Variants in PNKD observed in about 807,000 individuals in gnomAD.
PNKD encodes probable thioesterase PNKD.
A neutral mutation model predicts 45.3 loss-of-function variants in PNKD; 36 were observed. The ratio of observed to expected loss-of-function variants is 0.80; its 90% CI spans 0.61 to 1.05. The LOEUF is 1.05. Among genes scored for constraint, PNKD ranks in the 50% least tolerant of loss-of-function variants. PNKD has a pLI of 0.00. For synonymous variants in PNKD, 197 were observed against 210.1 expected (o/e 0.94, Z 0.54); for missense variants, 511 against 506.6 (o/e 1.01, Z -0.08).
At chr2:218,272,560 C>G in intron 2 of PNKD, 1 of 1,613,462 alleles carries the variant, frequency 6.2e-7, no homozygotes. Context: ...GCACATCTCC[C>G]CACCCGTAGG....
chr2:218,284,923 C>G (rs532574435), intron 2 of PNKD, among the ~76,000 whole-genome samples: 25 of 152,244 alleles, frequency 1.6e-4, no homozygotes, highest in African/African-American at 5.5e-4. Context: ...AACCCCGTCT[C>G]TACTAAAAAT....
intron 2 of PNKD, among the ~76,000 whole-genome samples, chr2:218,323,862 C>T (rs904063366): frequency 9.8e-5 from 15 of 152,296 alleles, no homozygotes; most frequent in Non-Finnish European, 2.2e-4. Context: ...CACCGTCTGA[C>T]ATTTAAAACC....
chr2:218,280,982 T>G (rs1691877528), intron 2 of PNKD: 1 of 150,880 alleles, frequency 6.6e-6, no homozygotes, highest in Admixed American at 6.6e-5. Flanking sequence ...CGGCTCATTT[T>G]TTGTATTTTT....
chr2:218,344,388 GA>G, intron 8 of PNKD, 66 bp from the exon 9 acceptor site: 2 of 1,199,572 alleles, frequency 1.7e-6, no homozygotes, highest in South Asian at 2.6e-5. Context: ...CTGGGGCAGG[GA>G]AGACTGTTCT....
rs1417718700 is a variant in PNKD, at chr2:218,340,173, G to A, written c.465+32G>A. On this transcript the variant is annotated intron_variant, in intron 4 of 9. Transcript: ENST00000273077. This position sits in a 1 kb window ranked among gnomAD's most constrained non-coding sequence, Gnocchi z 4.2. ...GGAGGGCAGGGAGCAGGGGGTGCCT[G>A]GAGTCACCTTGGGGACTGGCAGTTT... 3 of 1,395,056 alleles carry A rather than the reference G, an allele frequency of 2.2e-6. No homozygotes were observed. The East Asian group carries it at 6.8e-5, about 32-fold the overall frequency. The allele number at this position is 1,395,056 out of a possible 1,614,324, so 86.4% of individuals were successfully genotyped here.
chr2:218,293,115 A>G (rs555218629), intron 2 of PNKD, among the ~76,000 whole-genome samples: 33 of 152,366 alleles, frequency 2.2e-4, no homozygotes, highest in Non-Finnish European at 3.5e-4. Flanking sequence ...CAAACATGCA[A>G]ACCTAGAATC....
At chr2:218,304,664 A>G (rs1693362480) in intron 2 of PNKD, among the ~76,000 whole-genome samples, 1 of 152,214 alleles carries the variant, frequency 6.6e-6, no homozygotes, top group Non-Finnish European at 1.5e-5. Flanking sequence ...GTTACAGAGG[A>G]TCAGTGGAAA....
chr2:218,288,442 A>ATAAAATAAC (rs1692701992), intron 2 of PNKD, among the ~76,000 whole-genome samples: 1 of 152,194 alleles, frequency 6.6e-6, no homozygotes, highest in South Asian at 2.1e-4. Context: ...AAATAAATAA[A>ATAAAATAAC]TAAAATAACT....
At chr2:218,287,900 C>G (rs1198108965) in intron 2 of PNKD, among the ~76,000 whole-genome samples, 1 of 152,204 alleles carries the variant, frequency 6.6e-6, no homozygotes, top group Non-Finnish European at 1.5e-5. Flanking sequence ...CCACCCTTGT[C>G]TGGAGCAGAA....
Position 218,333,124 on chromosome 2 carries a change from T to C in PNKD, c.237-6659T>C, listed in dbSNP as rs540034178. On this transcript the variant is annotated intron_variant, in intron 2 of 9. Coordinates refer to ENST00000273077, the MANE Select transcript of PNKD (RefSeq NM_015488.5). ...CTTTTCCACCCCCAGCCATAGTTAC[T>C]GGCAGTTTGCTGACTAATCCGGTTT... is the stretch of plus-strand genomic sequence containing the variant. Among the ~76,000 whole-genome samples, 18 of 152,328 alleles carry C rather than the reference T, an allele frequency of 1.2e-4. No homozygotes were observed. In the South Asian group the frequency reaches 3.7e-3, roughly 32 times the overall value.
At chr2:218,333,820 A>G (rs997454743) in intron 2 of PNKD, among the ~76,000 whole-genome samples, 5 of 151,494 alleles carry the variant, frequency 3.3e-5, no homozygotes, top group African/African-American at 1.2e-4. Context: ...TTATTTTTTA[A>G]CTTTTCATTT....
At chr2:218,278,779 G>T (rs537594290) in intron 2 of PNKD, among the ~76,000 whole-genome samples, 112 of 152,374 alleles carry the variant, frequency 7.4e-4, no homozygotes, top group African/African-American at 2.3e-3. Context: ...GGAGGCTGCA[G>T]CTGACGGGCT....
chr2:218,292,540 G>C (rs1320378129), intron 2 of PNKD: 7 of 151,934 alleles, frequency 4.6e-5, no homozygotes, highest in Admixed American at 3.3e-4. Flanking sequence ...GGCTAGGCTC[G>C]GCTGGGGCTC....
intron 2 of PNKD, among the ~76,000 whole-genome samples, chr2:218,329,702 A>T (rs1268330299): frequency 1.3e-5 from 2 of 152,238 alleles, no homozygotes; most frequent in Non-Finnish European, 2.9e-5. Context: ...TGCATGCGGA[A>T]GTCCCCACGC....
rs386392656 is a variant in PNKD, at chr2:218,314,222, C to CTTTTTTTTT, written c.237-25548_237-25540dup. 3.0e-3 allele frequency among the ~76,000 whole-genome samples: 200 copies of CTTTTTTTTT among 67,714 alleles called. 37 individuals carry two copies. The highest frequency in any genetic ancestry group is 0.012 in the African/African-American group (182 of 15,332). 44.4% of individuals were successfully genotyped at this position (67,714 alleles called of 152,430 possible). A position where few individuals can be genotyped will look rare whatever the true frequency, so the allele number is the denominator to read the frequency against. On this transcript the variant is annotated intron_variant, in intron 2 of 9. Coordinates refer to ENST00000273077, the MANE Select transcript of PNKD (RefSeq NM_015488.5). ...ACAGGCGTGAGCCACCGCGCCCTGG[C>CTTTTTTTTT]TTTTTTTTTTTTTTTTTTTTTGAGA...
In PNKD at chr2:218,345,213, G is replaced by A. The variant is rs1432296474; in HGVS notation, c.*232G>A. On this transcript the variant is annotated 3_prime_UTR_variant, in exon 10 of 10. Transcript: ENST00000273077. The stretch of plus-strand genomic sequence containing the variant: ...GCAGCGCGAGGCTGCCTCATCAACG[G>A]CAAGAGGAAAGGAGGGGTCTCGGGA... The A allele has an allele frequency of 5.3e-6, 3 of 563,340 alleles. No individual in the cohort carries two copies. The highest frequency in any genetic ancestry group is 9.5e-6 in the Non-Finnish European group (3 of 316,576). 34.9% of individuals were successfully genotyped at this position (563,340 alleles called of 1,614,324 possible).
chr2:218,279,658 C>G (rs1246822773), intron 2 of PNKD: 3 of 488,910 alleles, frequency 6.1e-6, no homozygotes, highest in African/African-American at 3.9e-5. Flanking sequence ...TCTGCACGCT[C>G]TATGCAGCTG....
rs886368617 is a variant in PNKD at position 218,342,110 on chromosome 2, C to T, written c.747C>T (p.Leu249=). The change falls in exon 7 of 10, where the codon CTC becomes CTT. Residue 249 remains leucine (L), a synonymous_variant. Transcript: ENST00000273077. ...AGCCCTACAAGGGTCCCTCCTGCCTCTTCTCAGGGGACCTGCTCTTCCTCT... is the reference window on the plus strand; with the variant it reads ...AGCCCTACAAGGGTCCCTCCTGCCTTTTCTCAGGGGACCTGCTCTTCCTCT... ...DGEPYKGPSC[L]FSGDLLFLSG... 5 of 1,613,764 alleles carry T rather than the reference C, an allele frequency of 3.1e-6. No homozygotes were observed. The highest frequency in any genetic ancestry group is 4.2e-6 in the Non-Finnish European group (5 of 1,179,934).
intron 2 of PNKD, chr2:218,272,788 T>C (rs368367765): frequency 6.9e-5 from 112 of 1,613,980 alleles, no homozygotes; most frequent in South Asian, 7.7e-5. Context: ...TCCTAGGCTA[T>C]TGACTGTTAA....
Sources: allele counts gnomAD v4.1 joint callset (sites outside exome capture counted in the v4.1 genomes callset), GRCh38; gene constraint gnomAD v4.1.1; non-coding constraint Gnocchi (gnomAD v3.1); transcripts MANE v1.5; gene names NCBI Gene and HGNC (gene_info 2026-07-23, HGNC 2026-07-21).